Variants in PRKCI observed in about 807,000 individuals in gnomAD.
The protein encoded by PRKCI is protein kinase C iota, also known as protein kinase C iota type.
PRKCI carries 43 observed loss-of-function variants against 84.0 expected under a neutral mutation model. That is an observed-to-expected ratio of 0.51 (90% CI 0.40 to 0.66). The LOEUF (loss-of-function observed/expected upper bound fraction) is 0.66. Among genes scored for constraint, PRKCI ranks in the 30% least tolerant of loss-of-function variants. The pLI is 0.00. For missense variants in PRKCI, 459 were observed against 745.6 expected, an observed-to-expected ratio of 0.62 and a Z score of 4.48; for synonymous variants, 216 against 234.4, an observed-to-expected ratio of 0.92 and a Z score of 0.72.
chr3:170,288,121 C>T (rs1404520559), intron 12 of PRKCI, among the ~76,000 whole-genome samples: 2 of 151,786 alleles, frequency 1.3e-5, no homozygotes, highest in African/African-American at 4.8e-5. Flanking sequence ...TGGCGGACGC[C>T]TGTAGTCCCA....
In PRKCI at chr3:170,222,506, G is replaced by A; in HGVS notation, c.-164G>A. 1.8e-6 allele frequency: 1 copy of A among 564,306 alleles called. No homozygotes were observed. Among genetic ancestry groups the A allele is most frequent in the Non-Finnish European group, 2.9e-6 (1 of 348,148 alleles). The allele number at this position is 564,306 out of a possible 1,614,324, so 35.0% of individuals were successfully genotyped here. On this transcript the variant is annotated 5_prime_UTR_variant, in exon 1 of 18. Coordinates refer to ENST00000295797, the MANE Select transcript of PRKCI (RefSeq NM_002740.6). ...TGGGAGGAGCCGCGCGGTTCCGGCT[G>A]CTCCGGCGAGGCGACCCTTGGGTCG... is the stretch of plus-strand genomic sequence containing the variant.
chr3:170,290,543 A>G (rs1345086455), intron 12 of PRKCI, among the ~76,000 whole-genome samples: 2 of 151,706 alleles, frequency 1.3e-5, no homozygotes, highest in Admixed American at 1.3e-4. Context: ...ATATATATAT[A>G]TATATTTTAA....
At chr3:170,268,406 G>A (rs574762044) in intron 5 of PRKCI, among the ~76,000 whole-genome samples, 1 of 151,718 alleles carries the variant, frequency 6.6e-6, no homozygotes, top group East Asian at 1.9e-4. Flanking sequence ...CTTGAGTCTG[G>A]GAGGCAGAGG....
chr3:170,276,646 A>C (rs1734123017), intron 8 of PRKCI, among the ~76,000 whole-genome samples: 1 of 152,120 alleles, frequency 6.6e-6, no homozygotes, highest in African/African-American at 2.4e-5. Context: ...CTCAAGGTGG[A>C]ATAAAGATTT....
intron 1 of PRKCI, 60 bp from the exon 2 acceptor site, chr3:170,235,170 A>G (rs1732937716): frequency 6.5e-7 from 1 of 1,534,640 alleles, no homozygotes; most frequent in South Asian, 1.1e-5. Flanking sequence ...GCATTCAGTA[A>G]TATATACAGC....
rs1232929441 is a variant in PRKCI at position 170,264,164 on chromosome 3, A to AT, written c.364+748dup. ...ATGCACAGTTATACATAACAAACAC[A>AT]TTTTTTTTTTTTTGGTTATACCACT... On this transcript the variant is annotated intron_variant, in intron 4 of 17. Transcript: ENST00000295797. 2.4e-3 allele frequency among the ~76,000 whole-genome samples: 336 copies of AT among 139,796 alleles called. 1 individual carries two copies. The highest frequency in any genetic ancestry group is 0.011 in the Middle Eastern group (3 of 262). The allele number at this position is 139,796 out of a possible 152,430, so 91.7% of individuals were successfully genotyped here. A position where few individuals can be genotyped will look rare whatever the true frequency, so the allele number is the denominator to read the frequency against.
At chr3:170,266,566 A>G (rs1733859984) in intron 4 of PRKCI, among the ~76,000 whole-genome samples, 1 of 152,138 alleles carries the variant, frequency 6.6e-6, no homozygotes, top group Admixed American at 6.6e-5. Flanking sequence ...AAAAAAAGTC[A>G]ACATAATGAA....
At chr3:170,223,085 C>G (rs1329687488) in intron 1 of PRKCI, among the ~76,000 whole-genome samples, 1 of 152,104 alleles carries the variant, frequency 6.6e-6, no homozygotes, top group Non-Finnish European at 1.5e-5. Flanking sequence ...TTGTAGGGGC[C>G]TTGCATCCTT....
At chr3:170,279,778 A>G (rs760214466) in intron 8 of PRKCI, among the ~76,000 whole-genome samples, 1 of 152,156 alleles carries the variant, frequency 6.6e-6, no homozygotes, top group Non-Finnish European at 1.5e-5. Flanking sequence ...TTGATGTCTC[A>G]TTATAACTTC....
chr3:170,303,227 C>T lies in PRKCI; in HGVS notation c.*100C>T. The T allele has an allele frequency of 1.2e-6, 1 of 809,946 alleles. No individual in the cohort carries two copies. Among genetic ancestry groups the T allele is most frequent in the Non-Finnish European group, 1.9e-6 (1 of 533,406 alleles). 50.2% of individuals were successfully genotyped at this position (809,946 alleles called of 1,614,324 possible). A position where few individuals can be genotyped will look rare whatever the true frequency, so the allele number is the denominator to read the frequency against. On this transcript the variant is annotated 3_prime_UTR_variant, in exon 18 of 18. Transcript: ENST00000295797. ...CAATTAACCATTTTATATTTGCCACCTACAAAAAAACACCCAATATCTTCT... is the reference window on the plus strand; with the variant it reads ...CAATTAACCATTTTATATTTGCCACTTACAAAAAAACACCCAATATCTTCT...
intron 2 of PRKCI, among the ~76,000 whole-genome samples, chr3:170,256,004 C>A (rs1351201642): frequency 6.6e-6 from 1 of 152,148 alleles, no homozygotes; most frequent in East Asian, 1.9e-4. Context: ...ATGTGTTGAA[C>A]CATCCTTGCA....
intron 1 of PRKCI, among the ~76,000 whole-genome samples, chr3:170,229,562 G>A (rs1221381973): frequency 1.3e-5 from 2 of 152,222 alleles, no homozygotes; most frequent in East Asian, 1.9e-4. Context: ...CTCTCAAAGT[G>A]TAGAAATTAC....
chr3:170,301,584 G>A (rs377089051), intron 17 of PRKCI, among the ~76,000 whole-genome samples: 11 of 151,910 alleles, frequency 7.2e-5, no homozygotes, highest in African/African-American at 2.4e-4. Flanking sequence ...AGTGATTGTG[G>A]ACTCCTCCTT....
Position 170,281,177 on chromosome 3 carries a change from G to A in PRKCI, c.894G>A (p.Trp298Ter), listed in dbSNP as rs752731655. The change falls in exon 10 of 18, where the codon TGG (tryptophan) becomes TGA (stop). Residue 298 changes from tryptophan to a stop codon, truncating the protein, a stop_gained. Coordinates refer to ENST00000295797, the MANE Select transcript of PRKCI (RefSeq NM_002740.6). LOFTEE classifies it high-confidence loss of function. ...ELVNDDEDIDWVQTEKHVFEQ... is the reference protein window; with the variant it reads ...ELVNDDEDID ...ATGTTTCAAAATAGGATATTGATTGGGTACAGACAGAGAAGCATGTGTTTG... is the reference window on the plus strand; with the variant it reads ...ATGTTTCAAAATAGGATATTGATTGAGTACAGACAGAGAAGCATGTGTTTG... 1 of 1,612,772 alleles carries A rather than the reference G, an allele frequency of 6.2e-7. No homozygotes were observed. The highest frequency in any genetic ancestry group is 1.1e-5 in the South Asian group (1 of 91,032).
At chr3:170,226,157 C>A (rs998295) in intron 1 of PRKCI, among the ~76,000 whole-genome samples, 55,674 of 151,984 alleles carry the variant, frequency 0.37, 11,605 homozygotes, top group East Asian at 0.56. Flanking sequence ...AAGTGATCCA[C>A]CCACCTCGGT....
intron 2 of PRKCI, among the ~76,000 whole-genome samples, chr3:170,245,670 AC>A (rs11340485): frequency 0.021 from 3,196 of 152,118 alleles, 53 homozygotes; most frequent in East Asian, 0.085. Flanking sequence ...CCTTACTCTC[AC>A]TTCTCCATCC....
intron 12 of PRKCI, among the ~76,000 whole-genome samples, chr3:170,286,918 G>A (rs1401103853): frequency 6.6e-6 from 1 of 151,424 alleles, no homozygotes; most frequent in East Asian, 1.9e-4. Flanking sequence ...GGCTCTGGAG[G>A]CACTTTCCTC....
rs1455629531 is a variant in PRKCI at position 170,293,539 on chromosome 3, G to C, written c.1417+31G>C. On this transcript the variant is annotated intron_variant, in intron 14 of 17. Coordinates refer to ENST00000295797, the MANE Select transcript of PRKCI (RefSeq NM_002740.6). ...TTGGAGTATTTTACAGAGATTCTCT[G>C]AGAAAAACCTATTCTAGAGTACAAA... The C allele has an allele frequency of 2.5e-6, 4 of 1,601,014 alleles. No homozygotes were observed. In the African/African-American group the frequency reaches 5.4e-5, roughly 22 times the overall value.
At chr3:170,254,935 T>G (rs749972805) in intron 2 of PRKCI, among the ~76,000 whole-genome samples, 7 of 151,852 alleles carry the variant, frequency 4.6e-5, no homozygotes, top group Non-Finnish European at 7.4e-5. Flanking sequence ...TTTAACAGTA[T>G]TGATTCTTCC....
Sources: gnomAD v4.1 joint callset for allele counts (sites outside exome capture counted in the v4.1 genomes callset) on GRCh38, gnomAD v4.1.1 for gene constraint, MANE v1.5 for transcripts, NCBI Gene and HGNC (gene_info 2026-07-23, HGNC 2026-07-21) for gene names.